The following NRG3 variants were observed in gnomAD, a reference collection of about 807,000 sequenced individuals.
NRG3 encodes the protein pro-neuregulin-3, membrane-bound isoform.
Under a neutral mutation model 66.9 loss-of-function variants are expected in NRG3, and 31 were observed. The observed-to-expected ratio is 0.46, with a 90% CI of 0.35 to 0.63. NRG3 has a LOEUF of 0.63. Among genes scored for constraint, NRG3 ranks in the 20% least tolerant of loss-of-function variants. The pLI is 0.00. For missense variants in NRG3, 910 were observed against 878.9 expected (o/e 1.04, Z -0.45); for synonymous variants, 393 against 359.4 (o/e 1.09, Z -1.06).
rs563398131 is a variant in NRG3, at chr10:81,925,618, T to C, written c.823+49455T>C. ...TTCTTTTGTCAATCCAGATGAGTGA[T>C]GAAAAAGTACCTTCTGGATTTGAAT... On this transcript the variant is annotated intron_variant, in intron 1 of 8. Coordinates refer to ENST00000372141, the MANE Select transcript of NRG3 (RefSeq NM_001010848.4). 2.6e-5 allele frequency among the ~76,000 whole-genome samples: 4 copies of C among 152,316 alleles called. No homozygotes were observed. In the South Asian group the frequency reaches 8.3e-4, roughly 32 times the overall value.
At chr10:82,846,963 G>A (rs2135798330) in intron 3 of NRG3, among the ~76,000 whole-genome samples, 1 of 152,298 alleles carries the variant, frequency 6.6e-6, no homozygotes, top group African/African-American at 2.4e-5. Flanking sequence ...TAAATTGTGG[G>A]TTTTGTTTTT....
chr10:82,289,192 C>T (rs1428211093), intron 1 of NRG3, among the ~76,000 whole-genome samples: 2 of 149,194 alleles, frequency 1.3e-5, no homozygotes, highest in Non-Finnish European at 3.0e-5. Flanking sequence ...TCTTTGACTT[C>T]GCTTTCTGAT....
chr10:82,595,846 AGTT>A (rs1186845890), intron 2 of NRG3, among the ~76,000 whole-genome samples: 2 of 152,056 alleles, frequency 1.3e-5, no homozygotes, highest in African/African-American at 4.8e-5. Context: ...CTAGTTCACT[AGTT>A]GTTTGCTTTT....
intron 2 of NRG3, among the ~76,000 whole-genome samples, chr10:82,362,333 ATGTGTGTGTGTGTGTGTG>A (rs56996997): frequency 2.4e-4 from 33 of 135,946 alleles, no homozygotes; most frequent in East Asian, 8.4e-4. Flanking sequence ...GTATATATAT[ATGTGTGTGTGTGTGTGTG>A]TGTGTGTGTG....
chr10:82,878,907 C>T (rs1441007247), intron 4 of NRG3, among the ~76,000 whole-genome samples: 5 of 152,194 alleles, frequency 3.3e-5, no homozygotes, highest in East Asian at 1.9e-4. Flanking sequence ...ACTCCTACCA[C>T]GTTATTATTC....
intron 4 of NRG3, among the ~76,000 whole-genome samples, chr10:82,868,046 G>C (rs972923990): frequency 8.5e-5 from 13 of 152,156 alleles, no homozygotes; most frequent in Admixed American, 8.5e-4. Flanking sequence ...GCCCTCAAAT[G>C]CAGGAAACAC....
rs577216885 is a variant in NRG3, at chr10:82,159,679, G to A, written c.824-199060G>A. ...CCTTCGTTAGTTTTTTAGTCCCATA[G>A]CATCAGGCTTCATCCCTGGAACATA... On this transcript the variant is annotated intron_variant, in intron 1 of 8. Transcript: ENST00000372141. 7.2e-5 allele frequency among the ~76,000 whole-genome samples: 11 copies of A among 151,960 alleles called. No individual in the cohort carries two copies. The East Asian group carries it at 1.9e-3, about 27-fold the overall frequency.
At chr10:82,281,266 CAG>C (rs1175850630) in intron 1 of NRG3, among the ~76,000 whole-genome samples, 1 of 152,036 alleles carries the variant, frequency 6.6e-6, no homozygotes, top group Non-Finnish European at 1.5e-5. Context: ...GTCATGGGTC[CAG>C]ATGGTGATGG....
chr10:82,762,193 GC>G (rs1355276819), intron 3 of NRG3, among the ~76,000 whole-genome samples: 1 of 151,568 alleles, frequency 6.6e-6, no homozygotes, highest in Non-Finnish European at 1.5e-5. Flanking sequence ...TCACCATGTT[GC>G]CCAGGCTGGT....
At chr10:82,299,223 TG>T (rs1401942423) in intron 1 of NRG3, among the ~76,000 whole-genome samples, 2 of 152,186 alleles carry the variant, frequency 1.3e-5, no homozygotes, top group African/African-American at 4.8e-5. Flanking sequence ...TGATGTTCCC[TG>T]AGGTCAGAAT....
chr10:81,920,813 A>G (rs1316254984), intron 1 of NRG3, among the ~76,000 whole-genome samples: 1 of 152,112 alleles, frequency 6.6e-6, no homozygotes, highest in Non-Finnish European at 1.5e-5. Context: ...CTTGTTATAC[A>G]TCTACTTCAG....
intron 2 of NRG3, among the ~76,000 whole-genome samples, chr10:82,732,029 A>G (rs1192022844): frequency 6.6e-6 from 1 of 152,212 alleles, no homozygotes; most frequent in Non-Finnish European, 1.5e-5. Context: ...ATAAGGTACA[A>G]TATAGGTTAA....
chr10:81,951,646 A>C (rs921602233), intron 1 of NRG3, among the ~76,000 whole-genome samples: 4 of 152,160 alleles, frequency 2.6e-5, no homozygotes, highest in Non-Finnish European at 5.9e-5. Flanking sequence ...GTTGTATTCA[A>C]CTTCTGACAC....
At chr10:82,672,117 T>A (rs1397544637) in intron 2 of NRG3, among the ~76,000 whole-genome samples, 1 of 152,168 alleles carries the variant, frequency 6.6e-6, no homozygotes, top group Non-Finnish European at 1.5e-5. Flanking sequence ...AAAGCCCAAA[T>A]CATGAAGATG....
intron 3 of NRG3, among the ~76,000 whole-genome samples, chr10:82,819,187 C>T (rs901771401): frequency 6.6e-6 from 1 of 152,136 alleles, no homozygotes; most frequent in Non-Finnish European, 1.5e-5. Flanking sequence ...TCTCTTAAAA[C>T]TAGGTTAGCT....
At position 82,183,674 on chromosome 10, in the gene NRG3, A is replaced by G. The variant is rs1272742566; in HGVS notation, c.824-175065A>G. On this transcript the variant is annotated intron_variant, in intron 1 of 8. Transcript: ENST00000372141. ...TCAACTAGGGGAAATTTTGCCCCTCAGAGGTATTTGGCAATGTCTAGAGAC... is the reference window on the plus strand; with the variant it reads ...TCAACTAGGGGAAATTTTGCCCCTCGGAGGTATTTGGCAATGTCTAGAGAC... Among the ~76,000 whole-genome samples the G allele has an allele frequency of 6.6e-5, 10 of 152,198 alleles. No homozygotes were observed. In the East Asian group the frequency reaches 1.9e-3, roughly 29 times the overall value.
chr10:82,206,438 A>G (rs550604050), intron 1 of NRG3, among the ~76,000 whole-genome samples: 2 of 152,334 alleles, frequency 1.3e-5, no homozygotes, highest in African/African-American at 4.8e-5. Flanking sequence ...AGGGATGGCT[A>G]GAGGTGAACA....
chr10:82,472,211 C>T (rs571034556), intron 2 of NRG3, among the ~76,000 whole-genome samples: 1 of 152,252 alleles, frequency 6.6e-6, no homozygotes, highest in East Asian at 1.9e-4. Flanking sequence ...ATTTGGGTCC[C>T]AGAGCCTGGG....
chr10:82,251,097 A>G (rs1435349954), intron 1 of NRG3, among the ~76,000 whole-genome samples: 7 of 152,246 alleles, frequency 4.6e-5, no homozygotes, highest in Non-Finnish European at 1.0e-4. Context: ...TTGGACGTAC[A>G]TTGCTACAAA....
Sources: gnomAD v4.1 joint callset for allele counts (sites outside exome capture counted in the v4.1 genomes callset) on GRCh38, gnomAD v4.1.1 for gene constraint, MANE v1.5 for transcripts, NCBI Gene and HGNC (gene_info 2026-07-23, HGNC 2026-07-21) for gene names.